The following ATG4B variants were observed in gnomAD, a reference collection of about 807,000 sequenced individuals.
ATG4B encodes autophagy related 4B cysteine peptidase.
In ATG4B, 29 loss-of-function variants were observed where a neutral mutation model predicts 56.6. The ratio of observed to expected loss-of-function variants is 0.51; its 90% CI spans 0.38 to 0.70. ATG4B has a LOEUF of 0.70. ATG4B is among the 30% of genes least tolerant of loss of function. The pLI, the probability that ATG4B is intolerant of heterozygous loss-of-function variation, is 0.00. For synonymous variants in ATG4B, 224 were observed against 206.1 expected (o/e 1.09, Z -0.74); for missense variants, 461 against 515.5 (o/e 0.89, Z 1.02).
rs2068859146 is a variant in ATG4B, at chr2:241,668,756, T to C, written c.957+71T>C. On this transcript the variant is annotated intron_variant, in intron 10 of 12. Coordinates refer to ENST00000404914, the MANE Select transcript of ATG4B (RefSeq NM_013325.5). This position sits in a 1 kb window ranked among gnomAD's most constrained non-coding sequence, Gnocchi z 4.2. ...TGTTTGGGAATGACGAGGAAAACTTTCGGATTTTTGCGTTTTTTTTTTCAG... is the reference window on the plus strand; with the variant it reads ...TGTTTGGGAATGACGAGGAAAACTTCCGGATTTTTGCGTTTTTTTTTTCAG... 9 of 1,506,248 alleles carry C rather than the reference T, an allele frequency of 6.0e-6. No individual in the cohort carries two copies. Among genetic ancestry groups the C allele is most frequent in the African/African-American group, 5.7e-5 (4 of 70,116 alleles). 93.3% of individuals were successfully genotyped at this position (1,506,248 alleles called of 1,614,324 possible).
At position 241,668,548 on chromosome 2, in the gene ATG4B, C is replaced by T; in HGVS notation, c.820C>T (p.Leu274Phe). ...HYFIGYVGEE[L>F]IYLDPHTTQP... Reference sequence around the variant, plus strand: ...CTGCCTCATCCTCCCAGGTGAGGAGCTCATCTACCTGGACCCCCACACCAC... The same window carrying T: ...CTGCCTCATCCTCCCAGGTGAGGAGTTCATCTACCTGGACCCCCACACCAC... Residue 274 changes from leucine (L) to phenylalanine (F), a missense_variant, in exon 10 of 13, where the codon CTC becomes TTC. Physicochemically the swap from Leu to Phe is conservative, Grantham distance 22. Transcript: ENST00000404914. This position sits in a 1 kb window ranked among gnomAD's most constrained non-coding sequence, Gnocchi z 4.2. 1.2e-6 allele frequency: 2 copies of T among 1,609,134 alleles called. No individual in the cohort carries two copies. Among genetic ancestry groups the T allele is most frequent in the South Asian group, 1.1e-5 (1 of 90,552 alleles).
At chr2:241,638,858 AGCTGTGTACTATTTGTTGTTT>A (rs1321972680) in intron 1 of ATG4B, among the ~76,000 whole-genome samples, 1 of 152,194 alleles carries the variant, frequency 6.6e-6, no homozygotes, top group African/African-American at 2.4e-5. Context: ...AACTATTTGC[AGCTGTGTACTATTTGTTGTTT>A]ACTATTTTAC....
intron 1 of ATG4B, among the ~76,000 whole-genome samples, chr2:241,644,685 C>T (rs530599058): frequency 6.6e-6 from 1 of 152,306 alleles, no homozygotes; most frequent in Non-Finnish European, 1.5e-5. Context: ...TGCGGTGGCT[C>T]ATGCCTGTAA....
At chr2:241,662,618 AT>A (rs2068623117) in intron 7 of ATG4B, among the ~76,000 whole-genome samples, 2 of 152,212 alleles carry the variant, frequency 1.3e-5, no homozygotes, top group Admixed American at 6.5e-5. Flanking sequence ...CCTTGAGCCG[AT>A]TCATGTGTTC....
chr2:241,671,126 A>G (rs150586478), intron 11 of ATG4B, among the ~76,000 whole-genome samples, 186 bp from the exon 12 acceptor site: 2 of 152,266 alleles, frequency 1.3e-5, no homozygotes, highest in Non-Finnish European at 2.9e-5. Context: ...TGGTGGTCAG[A>G]CTGTGCTGTG....
At chr2:241,654,354 G>A (rs1048753771) in intron 4 of ATG4B, among the ~76,000 whole-genome samples, 192 bp from the exon 5 acceptor site, 2 of 151,456 alleles carry the variant, frequency 1.3e-5, no homozygotes, top group Non-Finnish European at 2.9e-5. Context: ...CCGGGAGGTG[G>A]AGGTTGCAGT....
At chr2:241,642,257 G>A (rs940419116) in intron 1 of ATG4B, among the ~76,000 whole-genome samples, 11 of 151,294 alleles carry the variant, frequency 7.3e-5, no homozygotes, top group Non-Finnish European at 1.2e-4. Context: ...TTTAATGTGC[G>A]CAATCTGCCC....
At chr2:241,670,938 G>T (rs1210556199) in intron 11 of ATG4B, among the ~76,000 whole-genome samples, 156 bp downstream of exon 11, 1 of 152,218 alleles carries the variant, frequency 6.6e-6, no homozygotes, top group Non-Finnish European at 1.5e-5. Flanking sequence ...AGCTGAGCAG[G>T]GTGGGGCGTC....
intron 7 of ATG4B, 105 bp downstream of exon 7, chr2:241,659,292 G>A (rs759166932): frequency 1.2e-5 from 12 of 1,010,574 alleles, no homozygotes; most frequent in East Asian, 2.6e-5. Flanking sequence ...GTTGTCAGTC[G>A]CCCCATGCCG....
chr2:241,670,894 G>T (rs550933490), intron 11 of ATG4B, 112 bp downstream of exon 11: 2 of 1,159,204 alleles, frequency 1.7e-6, no homozygotes, highest in East Asian at 2.6e-5. Flanking sequence ...TCACTGGGCC[G>T]TGGGGAGCTT....
At position 241,666,918 on chromosome 2, in the gene ATG4B, C is replaced by CA. The variant is rs2068796264; in HGVS notation, c.732+81dup. On this transcript the variant is annotated intron_variant, in intron 8 of 12. Coordinates refer to ENST00000404914, the MANE Select transcript of ATG4B (RefSeq NM_013325.5). ...TTAGTCACTTTCAGCGCATCGTCGT[C>CA]ACGTGGCCATTTGTGCAGCCGGCTC... is the stretch of plus-strand genomic sequence containing the variant. 2.7e-6 allele frequency: 4 copies of CA among 1,465,034 alleles called. No individual in the cohort carries two copies. In the Admixed American group the frequency reaches 6.1e-5, roughly 22 times the overall value. 90.8% of individuals were successfully genotyped at this position (1,465,034 alleles called of 1,614,324 possible). A position where few individuals can be genotyped will look rare whatever the true frequency, so the allele number is the denominator to read the frequency against.
intron 7 of ATG4B, among the ~76,000 whole-genome samples, chr2:241,664,128 A>T (rs919074751): frequency 1.3e-4 from 20 of 152,064 alleles, no homozygotes; most frequent in African/African-American, 4.8e-4. Flanking sequence ...CTCATTCTAT[A>T]AAATATTTTA....
Position 241,666,655 on chromosome 2 carries a change from C to T in ATG4B, c.549C>T (p.Cys183=), listed in dbSNP as rs759894662. The T allele has an allele frequency of 1.6e-5, 26 of 1,613,248 alleles. No individual in the cohort carries two copies. The highest frequency in any genetic ancestry group is 1.7e-5 in the Admixed American group (1 of 59,956). Residue 183 remains cysteine, a synonymous_variant, in exon 8 of 13, where the codon TGC becomes TGT. Coordinates refer to ENST00000404914, the MANE Select transcript of ATG4B (RefSeq NM_013325.5). ...TGTCTCCCTTTCTAGGAAGGTTGTG[C>T]AGGACCAGCGTTCCCTGTGCAGGCG... ...TVVMEEIRRL[C]RTSVPCAGAT...
chr2:241,657,649 T>A (rs1476640571), intron 6 of ATG4B, among the ~76,000 whole-genome samples: 1 of 152,156 alleles, frequency 6.6e-6, no homozygotes, highest in African/African-American at 2.4e-5. Context: ...CAATTCCTCT[T>A]TCTTTCAGTG....
rs2069049003 is a variant in ATG4B at position 241,673,514 on chromosome 2, G to A, written c.*1250G>A. 12 of 443,702 alleles carry A rather than the reference G, an allele frequency of 2.7e-5. No homozygotes were observed. Among genetic ancestry groups the A allele is most frequent in the South Asian group, 1.7e-4 (11 of 64,078 alleles). The allele number at this position is 443,702 out of a possible 1,614,324, so 27.5% of individuals were successfully genotyped here. On this transcript the variant is annotated 3_prime_UTR_variant, in exon 13 of 13. Coordinates refer to ENST00000404914, the MANE Select transcript of ATG4B (RefSeq NM_013325.5). ...GAGCCAGAGATCCCCGAGGACGCGC[G>A]CCGGACAGTCGGCACTGACCGGCCC...
chr2:241,650,637 G>A (rs541492421), intron 1 of ATG4B, among the ~76,000 whole-genome samples: 5 of 152,092 alleles, frequency 3.3e-5, no homozygotes, highest in East Asian at 1.9e-4. Flanking sequence ...TGCTTGAATC[G>A]GGTGGGTTTT....
At chr2:241,640,739 T>C (rs186590117) in intron 1 of ATG4B, among the ~76,000 whole-genome samples, 2 of 152,056 alleles carry the variant, frequency 1.3e-5, no homozygotes, top group African/African-American at 4.8e-5. Context: ...CTTAAAGCAG[T>C]GTAGGAGGAA....
intron 1 of ATG4B, among the ~76,000 whole-genome samples, chr2:241,642,898 T>TTTTTTTTTAA (rs869121991): frequency 1.4e-5 from 2 of 141,006 alleles, no homozygotes; most frequent in Admixed American, 7.2e-5. Flanking sequence ...TTTTTTTTTT[T>TTTTTTTTTAA]AAGACGGAGT....
chr2:241,658,062 C>T (rs1012982672), intron 6 of ATG4B, among the ~76,000 whole-genome samples: 8 of 152,224 alleles, frequency 5.3e-5, no homozygotes, highest in African/African-American at 1.9e-4. Flanking sequence ...AGTGCCACTC[C>T]CCGTTCCTGC....
Sources: allele counts gnomAD v4.1 joint callset (sites outside exome capture counted in the v4.1 genomes callset), GRCh38; gene constraint gnomAD v4.1.1; non-coding constraint Gnocchi (gnomAD v3.1); transcripts MANE v1.5; gene names NCBI Gene and HGNC (gene_info 2026-07-23, HGNC 2026-07-21).